Variants in ARB2A observed in about 807,000 individuals in gnomAD.
The protein encoded by ARB2A is cotranscriptional regulator ARB2A.
At chr5:94,083,952 GCA>G in the ARB2A span, among the ~76,000 whole-genome samples, 9 of 151,922 alleles carry the variant, frequency 5.9e-5, no homozygotes, top group South Asian at 1.7e-3. Context: ...CAGTTATAAA[GCA>G]CAGTTTTTTA....
the ARB2A span, among the ~76,000 whole-genome samples, chr5:94,069,825 ATAC>A: frequency 6.6e-6 from 1 of 152,168 alleles, no homozygotes; most frequent in South Asian, 2.1e-4. Context: ...GGGAATTCTT[ATAC>A]ACTGTTGTTA....
the ARB2A span, among the ~76,000 whole-genome samples, chr5:93,904,197 T>C: frequency 6.6e-6 from 1 of 151,942 alleles, no homozygotes; most frequent in African/African-American, 2.4e-5. Context: ...GTAAGTTGAA[T>C]TGTTTATTCC....
chr5:93,672,054 C>A, the ARB2A span, among the ~76,000 whole-genome samples: 1 of 152,124 alleles, frequency 6.6e-6, no homozygotes, highest in Non-Finnish European at 1.5e-5. Context: ...GGGTCTAAGT[C>A]GTGTTGAGAA....
At chr5:93,857,140 G>C in the ARB2A span, among the ~76,000 whole-genome samples, 3 of 152,140 alleles carry the variant, frequency 2.0e-5, no homozygotes, top group Non-Finnish European at 2.9e-5. Flanking sequence ...CGTTCCTCTG[G>C]AAGATTTGTC....
chr5:93,649,684 T>C, the ARB2A span, among the ~76,000 whole-genome samples: 3 of 152,336 alleles, frequency 2.0e-5, no homozygotes, highest in South Asian at 6.2e-4. Flanking sequence ...CTGAAGAACA[T>C]AAGCAGAGAT....
At chr5:93,843,163 C>T in the ARB2A span, among the ~76,000 whole-genome samples, 7 of 152,094 alleles carry the variant, frequency 4.6e-5, no homozygotes, top group Non-Finnish European at 8.8e-5. Context: ...TTAATTATAG[C>T]GAAGCTCAAA....
chr5:94,090,834 TTGTG>T, the ARB2A span, among the ~76,000 whole-genome samples: 1 of 152,206 alleles, frequency 6.6e-6, no homozygotes, highest in Non-Finnish European at 1.5e-5. Flanking sequence ...ATTTATTGAT[TTGTG>T]TATGTTGAAC....
the ARB2A span, among the ~76,000 whole-genome samples, chr5:93,972,911 T>TA: frequency 8.8e-3 from 1,010 of 114,548 alleles, 4 homozygotes; most frequent in South Asian, 0.013. Context: ...CCTTGTCTCT[T>TA]AAAAAAAAAA....
At chr5:93,808,542 T>G in the ARB2A span, among the ~76,000 whole-genome samples, 1 of 152,000 alleles carries the variant, frequency 6.6e-6, no homozygotes, top group African/African-American at 2.4e-5. Flanking sequence ...AAGATTATTC[T>G]CTATAGTGTT....
At chr5:93,910,462 T>C in the ARB2A span, among the ~76,000 whole-genome samples, 1 of 151,300 alleles carries the variant, frequency 6.6e-6, no homozygotes, top group South Asian at 2.1e-4. Context: ...TAAACAAATA[T>C]GTAGAGTATT....
At chr5:94,043,383 T>C in the ARB2A span, among the ~76,000 whole-genome samples, 1 of 152,252 alleles carries the variant, frequency 6.6e-6, no homozygotes, top group African/African-American at 2.4e-5. Flanking sequence ...ATTTGAAGGA[T>C]AGTTGCTTCT....
chr5:93,827,408 C>G, the ARB2A span, among the ~76,000 whole-genome samples: 1 of 152,136 alleles, frequency 6.6e-6, no homozygotes, highest in Admixed American at 6.5e-5. Context: ...TGAGAAGTGT[C>G]TGTTCATATC....
At chr5:93,822,210 T>G in the ARB2A span, among the ~76,000 whole-genome samples, 1 of 152,280 alleles carries the variant, frequency 6.6e-6, no homozygotes, top group East Asian at 1.9e-4. Context: ...TCACAGGCCC[T>G]GAGGACCCTG....
chr5:93,667,401 C>G, the ARB2A span, among the ~76,000 whole-genome samples: 1 of 152,172 alleles, frequency 6.6e-6, no homozygotes, highest in African/African-American at 2.4e-5. Context: ...AGTGCCTAAA[C>G]TAGTTTTAGC....
At chr5:93,874,898 A>T in the ARB2A span, among the ~76,000 whole-genome samples, 89 of 152,284 alleles carry the variant, frequency 5.8e-4, no homozygotes, top group African/African-American at 2.1e-3. Context: ...ATTAGTTCTC[A>T]ATTGAGTCTC....
At chr5:94,076,863 AT>A in the ARB2A span, among the ~76,000 whole-genome samples, 2 of 152,124 alleles carry the variant, frequency 1.3e-5, no homozygotes, top group Admixed American at 6.5e-5. Flanking sequence ...AAATTGTCCG[AT>A]TTCTGAACAG....
the ARB2A span, among the ~76,000 whole-genome samples, chr5:93,872,846 G>A: frequency 1.3e-5 from 2 of 152,072 alleles, no homozygotes; most frequent in Admixed American, 6.5e-5. Context: ...GAACCCGGGA[G>A]GCAGAGTTTG....
At chr5:93,994,446 A>G in the ARB2A span, among the ~76,000 whole-genome samples, 2 of 152,218 alleles carry the variant, frequency 1.3e-5, no homozygotes, top group Non-Finnish European at 2.9e-5. Flanking sequence ...TTTCACTTAC[A>G]TGAGGCATCT....
chr5:93,823,016 T>C, the ARB2A span, among the ~76,000 whole-genome samples: 1 of 152,184 alleles, frequency 6.6e-6, no homozygotes, highest in African/African-American at 2.4e-5. Context: ...AATTTCCATG[T>C]CAGAGAAAAA....
Sources: gnomAD v4.1 joint callset for allele counts (sites outside exome capture counted in the v4.1 genomes callset) on GRCh38, gnomAD v4.1.1 for gene constraint, MANE v1.5 for transcripts, NCBI Gene and HGNC (gene_info 2026-07-23, HGNC 2026-07-21) for gene names.